Variants in DPP10 observed in about 807,000 individuals in gnomAD.
DPP10 encodes the protein inactive dipeptidyl peptidase 10.
Under a neutral mutation model 120.9 loss-of-function variants are expected in DPP10, and 33 were observed. The observed-to-expected ratio is 0.27, with a 90% CI of 0.21 to 0.37. The LOEUF (loss-of-function observed/expected upper bound fraction) is 0.37, where lower values mean the gene tolerates loss of function less well. Ranked by LOEUF, DPP10 falls within the 10% of genes least tolerant of loss-of-function variation. DPP10 has a pLI of 1.00. For missense variants in DPP10, 816 were observed against 942.8 expected, an observed-to-expected ratio of 0.87 and a Z score of 1.76; for synonymous variants, 337 against 326.1, an observed-to-expected ratio of 1.03 and a Z score of -0.36.
intron 1 of DPP10, among the ~76,000 whole-genome samples, chr2:114,515,104 A>G (rs1346384999): frequency 6.6e-6 from 1 of 152,226 alleles, no homozygotes; most frequent in African/African-American, 2.4e-5. Flanking sequence ...AGGAAAGAGA[A>G]AAGAAACATG....
chr2:114,749,817 A>G (rs1183572852), intron 1 of DPP10, among the ~76,000 whole-genome samples: 1 of 152,148 alleles, frequency 6.6e-6, no homozygotes, highest in Non-Finnish European at 1.5e-5. Context: ...GATGCTGCAT[A>G]CAATGATGGC....
At chr2:114,496,350 C>A (rs1682517330) in intron 1 of DPP10, among the ~76,000 whole-genome samples, 1 of 152,102 alleles carries the variant, frequency 6.6e-6, no homozygotes, top group African/African-American at 2.4e-5. Context: ...GTTGCTTATA[C>A]TATTTTGGGG....
intron 1 of DPP10, among the ~76,000 whole-genome samples, chr2:115,053,068 G>T (rs1705636634): frequency 6.6e-6 from 1 of 152,044 alleles, no homozygotes; most frequent in Non-Finnish European, 1.5e-5. Context: ...AAACAATTAG[G>T]CAGTTCCAAA....
At chr2:114,480,047 G>A (rs560853543) in intron 1 of DPP10, among the ~76,000 whole-genome samples, 97 of 152,240 alleles carry the variant, frequency 6.4e-4, no homozygotes, top group African/African-American at 1.8e-3. Flanking sequence ...AAAAGTGGGC[G>A]AAGGATATGA....
intron 1 of DPP10, among the ~76,000 whole-genome samples, chr2:115,251,849 T>C (rs1346341637): frequency 1.3e-5 from 2 of 152,166 alleles, no homozygotes; most frequent in Admixed American, 1.3e-4. Context: ...CTAAGTTATT[T>C]CAAAATAGAA....
chr2:115,469,493 C>T (rs1470111636), intron 3 of DPP10, among the ~76,000 whole-genome samples: 1 of 152,134 alleles, frequency 6.6e-6, no homozygotes. Flanking sequence ...ACAACTAAGA[C>T]CTTTTTGACT....
intron 1 of DPP10, among the ~76,000 whole-genome samples, chr2:114,456,492 A>C (rs1678593412): frequency 6.6e-6 from 1 of 152,256 alleles, no homozygotes; most frequent in Admixed American, 6.5e-5. Flanking sequence ...ATGGGATTCA[A>C]GTATTTGCAA....
chr2:115,393,034 T>G (rs1171095735), intron 3 of DPP10, among the ~76,000 whole-genome samples: 1 of 152,154 alleles, frequency 6.6e-6, no homozygotes, highest in Non-Finnish European at 1.5e-5. Flanking sequence ...GTGAATAGGC[T>G]GGGTGCGGTG....
At chr2:114,696,201 A>C (rs552964177) in intron 1 of DPP10, among the ~76,000 whole-genome samples, 133 of 152,164 alleles carry the variant, frequency 8.7e-4, no homozygotes, top group Admixed American at 2.0e-3. Flanking sequence ...ATTTTCCATC[A>C]ATGTCTTGCT....
chr2:115,833,635 T>A (rs916129834), intron 21 of DPP10, among the ~76,000 whole-genome samples: 9 of 152,170 alleles, frequency 5.9e-5, no homozygotes, highest in Admixed American at 6.5e-5. Context: ...CCTGACCCTA[T>A]GTGATGGGTC....
intron 5 of DPP10, among the ~76,000 whole-genome samples, chr2:115,592,328 T>G (rs1042014824): frequency 1.4e-4 from 22 of 152,124 alleles, no homozygotes; most frequent in African/African-American, 5.3e-4. Context: ...GGTGGTCTTG[T>G]TAGGTAAATG....
intron 19 of DPP10, among the ~76,000 whole-genome samples, chr2:115,805,574 C>CT (rs1559178533): frequency 1.4e-5 from 2 of 145,992 alleles, no homozygotes; most frequent in African/African-American, 2.6e-5. Context: ...TCTTGGCTCC[C>CT]ATTTTTTTTT....
At chr2:114,481,961 A>AGGAGAGGG (rs879945148) in intron 1 of DPP10, among the ~76,000 whole-genome samples, 1 of 146,212 alleles carries the variant, frequency 6.8e-6, no homozygotes, top group African/African-American at 2.7e-5. Context: ...GGAGGAGAGG[A>AGGAGAGGG]GAGAGAGAGA....
At chr2:114,809,035 TTAAG>T (rs1173142520) in intron 1 of DPP10, among the ~76,000 whole-genome samples, 5 of 142,886 alleles carry the variant, frequency 3.5e-5, no homozygotes, top group African/African-American at 7.6e-5. Flanking sequence ...TTATAATTAA[TTAAG>T]TAATTGAGTA....
At chr2:114,491,751 A>T (rs147994827) in intron 1 of DPP10, among the ~76,000 whole-genome samples, 260 of 152,312 alleles carry the variant, frequency 1.7e-3, no homozygotes, top group African/African-American at 5.9e-3. Context: ...TTCTAGAAGG[A>T]TTAATTTTCA....
At chr2:115,695,540 C>T (rs923196919) in intron 7 of DPP10, among the ~76,000 whole-genome samples, 4 of 152,132 alleles carry the variant, frequency 2.6e-5, no homozygotes, top group African/African-American at 9.7e-5. Flanking sequence ...ATAAAACCAT[C>T]AGATCTCATG....
At chr2:115,030,199 G>A (rs1260573493) in intron 1 of DPP10, among the ~76,000 whole-genome samples, 1 of 151,612 alleles carries the variant, frequency 6.6e-6, no homozygotes, top group African/African-American at 2.4e-5. Flanking sequence ...TCTCAGAGCA[G>A]TATCCTTCAT....
chr2:115,268,871 C>T (rs1237296900), intron 1 of DPP10, among the ~76,000 whole-genome samples: 2 of 151,856 alleles, frequency 1.3e-5, no homozygotes, highest in Non-Finnish European at 2.9e-5. Context: ...AAGCTCAGTC[C>T]GGGTGCAGTG....
chr2:114,539,578 C>G (rs1233616308), intron 1 of DPP10, among the ~76,000 whole-genome samples: 1 of 152,128 alleles, frequency 6.6e-6, no homozygotes. Context: ...TTTCTTTTTG[C>G]TTGGCTAATT....
Sources: gnomAD v4.1 joint callset for allele counts (sites outside exome capture counted in the v4.1 genomes callset) on GRCh38, gnomAD v4.1.1 for gene constraint, MANE v1.5 for transcripts, NCBI Gene and HGNC (gene_info 2026-07-23, HGNC 2026-07-21) for gene names.